The following COMMD10 variants were observed in gnomAD, a reference collection of about 807,000 sequenced individuals.
COMMD10 encodes COMM domain containing 10.
In COMMD10, 33 loss-of-function variants were observed where a neutral mutation model predicts 28.9. The observed-to-expected ratio is 1.14, with a 90% CI of 0.87 to 1.53. COMMD10 has a LOEUF of 1.53. COMMD10 is among the 40% of genes most tolerant of loss of function. The pLI, the probability that COMMD10 is intolerant of heterozygous loss-of-function variation, is 0.00. For synonymous variants in COMMD10, 110 were observed against 81.7 expected, an observed-to-expected ratio of 1.35 and a Z score of -1.87; for missense variants, 310 against 233.4, an observed-to-expected ratio of 1.33 and a Z score of -2.14.
intron 4 of COMMD10, among the ~76,000 whole-genome samples, chr5:116,114,772 C>T (rs1751176043): frequency 6.6e-6 from 1 of 152,198 alleles, no homozygotes; most frequent in South Asian, 2.1e-4. Context: ...TGTCTCAGTC[C>T]TGGTGGGGCT....
intron 5 of COMMD10, among the ~76,000 whole-genome samples, chr5:116,254,625 T>C (rs1750227268): frequency 6.6e-6 from 1 of 151,828 alleles, no homozygotes; most frequent in Non-Finnish European, 1.5e-5. Flanking sequence ...AGATTCTTAA[T>C]CCTGAGTTCT....
At chr5:116,132,611 T>A (rs1398206216) in intron 4 of COMMD10, among the ~76,000 whole-genome samples, 105 of 152,106 alleles carry the variant, frequency 6.9e-4, no homozygotes, top group Non-Finnish European at 1.1e-3. Flanking sequence ...ATGCAACATT[T>A]TACAGGTCTA....
At chr5:116,216,592 C>T (rs1269335858) in intron 5 of COMMD10, among the ~76,000 whole-genome samples, 3 of 152,160 alleles carry the variant, frequency 2.0e-5, no homozygotes, top group South Asian at 2.1e-4. Context: ...AGTTCAGTGG[C>T]GCGATCTCGG....
At chr5:116,245,739 C>T (rs572645303) in intron 5 of COMMD10, among the ~76,000 whole-genome samples, 1 of 152,182 alleles carries the variant, frequency 6.6e-6, no homozygotes, top group South Asian at 2.1e-4. Context: ...AAGACAAAAA[C>T]CACATGATTA....
intron 5 of COMMD10, among the ~76,000 whole-genome samples, chr5:116,148,606 C>G (rs769927450): frequency 6.6e-6 from 1 of 151,220 alleles, no homozygotes; most frequent in Non-Finnish European, 1.5e-5. Context: ...ATTTTCTAGC[C>G]GAAAGGGATC....
chr5:116,163,572 A>G (rs1043026636), intron 5 of COMMD10, among the ~76,000 whole-genome samples: 3 of 151,970 alleles, frequency 2.0e-5, no homozygotes, highest in Admixed American at 6.6e-5. Flanking sequence ...CTGGGCAACA[A>G]TAGCAACACT....
intron 4 of COMMD10, among the ~76,000 whole-genome samples, chr5:116,115,413 T>C (rs1190482345): frequency 2.0e-5 from 3 of 152,210 alleles, no homozygotes; most frequent in Non-Finnish European, 4.4e-5. Flanking sequence ...TTCTGTTAAA[T>C]GCCTGTGTTC....
chr5:116,168,839 G>C (rs765802597), intron 5 of COMMD10, among the ~76,000 whole-genome samples: 10 of 152,248 alleles, frequency 6.6e-5, no homozygotes, highest in Non-Finnish European at 1.2e-4. Context: ...AGTGTGTAGA[G>C]GGAAATTTAT....
At chr5:116,155,430 T>C (rs1752675907) in intron 5 of COMMD10, among the ~76,000 whole-genome samples, 1 of 152,100 alleles carries the variant, frequency 6.6e-6, no homozygotes, top group South Asian at 2.1e-4. Context: ...TCTGTTTCCA[T>C]TTTCTACTGA....
chr5:116,085,359 C>T (rs1412083198), intron 1 of COMMD10: 6 of 451,366 alleles, frequency 1.3e-5, no homozygotes, highest in African/African-American at 1.2e-4. Context: ...GGTCTGCAAG[C>T]GTGGGGTCTG....
At chr5:116,185,474 T>C (rs1466624820) in intron 5 of COMMD10, among the ~76,000 whole-genome samples, 3 of 152,128 alleles carry the variant, frequency 2.0e-5, no homozygotes, top group Admixed American at 1.3e-4. Context: ...TCAAGCAGTC[T>C]ATTTCTTGGC....
chr5:116,161,228 C>T (rs1450246758), intron 5 of COMMD10, among the ~76,000 whole-genome samples: 4 of 152,172 alleles, frequency 2.6e-5, no homozygotes, highest in Non-Finnish European at 5.9e-5. Context: ...TAAATTCTTT[C>T]TCTGCTTTGT....
chr5:116,268,994 G>GC (rs1750682132), intron 5 of COMMD10, among the ~76,000 whole-genome samples: 1 of 151,680 alleles, frequency 6.6e-6, no homozygotes. Context: ...TATACCTAAT[G>GC]TAAATGACGA....
At chr5:116,268,010 A>G (rs1750640835) in intron 5 of COMMD10, among the ~76,000 whole-genome samples, 1 of 151,830 alleles carries the variant, frequency 6.6e-6, no homozygotes, top group Admixed American at 6.6e-5. Context: ...AAGAAAACCT[A>G]GGCAATACCA....
chr5:116,217,985 G>A, intron 5 of COMMD10: 1 of 909,356 alleles, frequency 1.1e-6, no homozygotes, highest in Non-Finnish European at 1.8e-6. Flanking sequence ...AAACTGTTCA[G>A]TCACCAGAAG....
At chr5:116,196,624 G>T (rs1748529008) in intron 5 of COMMD10, among the ~76,000 whole-genome samples, 1 of 151,160 alleles carries the variant, frequency 6.6e-6, no homozygotes, top group African/African-American at 2.4e-5. Flanking sequence ...TTTTACTGGT[G>T]CTTTTTTTTT....
intron 5 of COMMD10, among the ~76,000 whole-genome samples, chr5:116,275,633 T>A (rs549513299): frequency 2.0e-5 from 3 of 151,762 alleles, no homozygotes; most frequent in African/African-American, 4.9e-5. Context: ...GTGAAATTAG[T>A]CTCAATATCC....
intron 2 of COMMD10, among the ~76,000 whole-genome samples, chr5:116,089,305 A>G (rs1750221346): frequency 6.6e-6 from 1 of 152,184 alleles, no homozygotes. Context: ...TAACTTTCCC[A>G]AGGTAACACA....
chr5:116,252,189 C>G (rs1750138571), intron 5 of COMMD10, among the ~76,000 whole-genome samples: 1 of 141,910 alleles, frequency 7.0e-6, no homozygotes, highest in Admixed American at 7.1e-5. Context: ...ATTGTAGATT[C>G]TGGATATTAG....
Sources: allele counts gnomAD v4.1 joint callset (sites outside exome capture counted in the v4.1 genomes callset), GRCh38; gene constraint gnomAD v4.1.1; transcripts MANE v1.5; gene names NCBI Gene and HGNC (gene_info 2026-07-23, HGNC 2026-07-21).